KCNH7: variants seen among roughly 807,000 people sequenced by gnomAD.
The protein encoded by KCNH7 is voltage-gated inwardly rectifying potassium channel KCNH7.
KCNH7 carries 49 observed loss-of-function variants against 120.8 expected under a neutral mutation model. The ratio of observed to expected loss-of-function variants is 0.41; its 90% CI spans 0.32 to 0.51. The LOEUF (loss-of-function observed/expected upper bound fraction) is 0.51. Among genes scored for constraint, KCNH7 ranks in the 20% least tolerant of loss-of-function variants. The pLI is 0.38. For synonymous variants in KCNH7, 547 were observed against 516.1 expected (o/e 1.06, Z -0.81); for missense variants, 1,097 against 1,446.6 (o/e 0.76, Z 3.92).
intron 2 of KCNH7, among the ~76,000 whole-genome samples, chr2:162,587,769 A>G (rs1235853322): frequency 2.0e-5 from 3 of 152,088 alleles, no homozygotes; most frequent in African/African-American, 4.8e-5. Context: ...TGGAATAGTC[A>G]AACATTTACT....
intron 2 of KCNH7, among the ~76,000 whole-genome samples, chr2:162,619,841 TTTTA>T (rs1683284366): frequency 6.6e-6 from 1 of 152,084 alleles, no homozygotes; most frequent in African/African-American, 2.4e-5. Context: ...ATTAATCAAC[TTTTA>T]TTTATTTGTA....
intron 2 of KCNH7, among the ~76,000 whole-genome samples, chr2:162,732,451 G>A (rs1029252163): frequency 6.6e-6 from 1 of 152,028 alleles, no homozygotes; most frequent in Non-Finnish European, 1.5e-5. Flanking sequence ...TATTCATATG[G>A]ATAAGGAGCG....
intron 2 of KCNH7, among the ~76,000 whole-genome samples, chr2:162,641,245 T>C (rs1684146476): frequency 6.6e-6 from 1 of 152,158 alleles, no homozygotes; most frequent in Admixed American, 6.5e-5. Context: ...CCAAAACCCA[T>C]AAATAACAGA....
In KCNH7 at chr2:162,469,937, G is replaced by A. The variant is rs942041015; in HGVS notation, c.1129-23494C>T. ...TTGGCCGGGCTGGTCTCCAGCTCCT[G>A]ACCGCGAGTGATCCGCCAGCCTCGG... On this transcript the variant is annotated intron_variant, in intron 6 of 15. Coordinates refer to ENST00000332142, the MANE Select transcript of KCNH7 (RefSeq NM_033272.4). Among the ~76,000 whole-genome samples the A allele has an allele frequency of 2.0e-5, 3 of 152,242 alleles. No homozygotes were observed. In the South Asian group the frequency reaches 6.2e-4, roughly 31 times the overall value.
chr2:162,703,331 C>T (rs1222362284), intron 2 of KCNH7, among the ~76,000 whole-genome samples: 1 of 152,106 alleles, frequency 6.6e-6, no homozygotes. Flanking sequence ...AACTAGACCC[C>T]GGGTTCAAAT....
chr2:162,748,989 T>TC (rs1378447995), intron 2 of KCNH7, among the ~76,000 whole-genome samples: 1,345 of 110,756 alleles, frequency 0.012, 193 homozygotes, highest in African/African-American at 0.044. Context: ...CTTCCTTCCT[T>TC]CTTTCCTCTC....
intron 2 of KCNH7, among the ~76,000 whole-genome samples, chr2:162,709,209 A>G (rs1686832481): frequency 6.6e-6 from 1 of 152,126 alleles, no homozygotes. Context: ...GAGAAAAAAG[A>G]TATTTCAAGA....
chr2:162,621,252 CTTTTT>C (rs35494887), intron 2 of KCNH7, among the ~76,000 whole-genome samples: 10 of 52,116 alleles, frequency 1.9e-4, no homozygotes, highest in Non-Finnish European at 2.9e-4. Flanking sequence ...GTATCATCAT[CTTTTT>C]TTTTTTTTTT....
chr2:162,444,615 C>G (rs1688524862), intron 7 of KCNH7, among the ~76,000 whole-genome samples: 1 of 152,114 alleles, frequency 6.6e-6, no homozygotes, highest in Non-Finnish European at 1.5e-5. Flanking sequence ...TACAACTTCT[C>G]CCATTATACT....
intron 3 of KCNH7, among the ~76,000 whole-genome samples, chr2:162,525,626 A>G (rs13416458): frequency 0.096 from 14,639 of 151,992 alleles, 2,368 homozygotes; most frequent in African/African-American, 0.33. Flanking sequence ...TTTTTGATAG[A>G]TTTCTTCATT....
chr2:162,737,915 A>C (rs1269658315), intron 2 of KCNH7, among the ~76,000 whole-genome samples: 3 of 152,076 alleles, frequency 2.0e-5, no homozygotes, highest in African/African-American at 7.2e-5. Context: ...AAATACAAAA[A>C]TTAGCCACGT....
intron 2 of KCNH7, among the ~76,000 whole-genome samples, chr2:162,559,697 G>T (rs967614365): frequency 2.0e-5 from 3 of 152,186 alleles, no homozygotes; most frequent in Non-Finnish European, 1.5e-5. Flanking sequence ...AACAAGAAAA[G>T]AGCTGAGACC....
At chr2:162,789,257 G>T (rs1218218248) in intron 2 of KCNH7, among the ~76,000 whole-genome samples, 1 of 151,734 alleles carries the variant, frequency 6.6e-6, no homozygotes, top group Non-Finnish European at 1.5e-5. Flanking sequence ...GATCATGTTT[G>T]ACTTTAATAT....
At chr2:162,795,354 A>G (rs1684104900) in intron 2 of KCNH7, 1 of 152,028 alleles carries the variant, frequency 6.6e-6, no homozygotes, top group African/African-American at 2.4e-5. Flanking sequence ...CAAATGAGGA[A>G]TCTAGGCTAT....
chr2:162,688,185 C>T (rs1434886367), intron 2 of KCNH7, among the ~76,000 whole-genome samples: 1 of 152,106 alleles, frequency 6.6e-6, no homozygotes, highest in African/African-American at 2.4e-5. Context: ...TAATCTGGTT[C>T]AACTCATCCT....
intron 6 of KCNH7, among the ~76,000 whole-genome samples, chr2:162,503,115 C>T (rs944174761): frequency 2.6e-5 from 4 of 152,016 alleles, no homozygotes; most frequent in African/African-American, 7.2e-5. Context: ...CTCCACAGTT[C>T]GCCACAGTCC....
At chr2:162,373,175 A>G (rs1330277186) in intron 15 of KCNH7, among the ~76,000 whole-genome samples, 1 of 152,176 alleles carries the variant, frequency 6.6e-6, no homozygotes, top group African/African-American at 2.4e-5. Flanking sequence ...GCTCTACCAC[A>G]TGTAAATTTA....
At chr2:162,542,541 A>G (rs1013497510) in intron 2 of KCNH7, among the ~76,000 whole-genome samples, 2 of 151,188 alleles carry the variant, frequency 1.3e-5, no homozygotes, top group Non-Finnish European at 2.9e-5. Flanking sequence ...GAGAATGATG[A>G]TTTCCAATTT....
At chr2:162,717,779 T>A (rs1038366056) in intron 2 of KCNH7, among the ~76,000 whole-genome samples, 1 of 152,046 alleles carries the variant, frequency 6.6e-6, no homozygotes, top group Admixed American at 6.6e-5. Context: ...CTTGAGTGAA[T>A]GAATGAATGA....
Sources: gnomAD v4.1 joint callset for allele counts (sites outside exome capture counted in the v4.1 genomes callset) on GRCh38, gnomAD v4.1.1 for gene constraint, MANE v1.5 for transcripts, NCBI Gene and HGNC (gene_info 2026-07-23, HGNC 2026-07-21) for gene names.